Variants in GPC5 observed in about 807,000 individuals in gnomAD.
The protein encoded by GPC5 is glypican-5.
Under a neutral mutation model 53.9 loss-of-function variants are expected in GPC5, and 47 were observed. The observed-to-expected ratio is 0.87, with a 90% CI of 0.69 to 1.11. GPC5 has a LOEUF of 1.11. Ranked by LOEUF, GPC5 falls within the 50% of genes most tolerant of loss-of-function variation. GPC5 has a pLI of 0.00. For missense variants in GPC5, 748 were observed against 713.1 expected (o/e 1.05, Z -0.56); for synonymous variants, 286 against 263.3 (o/e 1.09, Z -0.84).
intron 3 of GPC5, among the ~76,000 whole-genome samples, chr13:91,701,822 T>C (rs765530188): frequency 2.6e-5 from 4 of 152,118 alleles, no homozygotes; most frequent in Non-Finnish European, 5.9e-5. Flanking sequence ...AAAAGGATAA[T>C]TGCTGTAGCA....
intron 5 of GPC5, among the ~76,000 whole-genome samples, chr13:91,764,713 C>T (rs979114691): frequency 2.0e-5 from 3 of 152,124 alleles, no homozygotes; most frequent in African/African-American, 7.2e-5. Flanking sequence ...TTTTCAGGTT[C>T]GTGTGCCAAC....
At chr13:92,240,449 A>C (rs1014391396) in intron 7 of GPC5, 1 of 152,146 alleles carries the variant, frequency 6.6e-6, no homozygotes, top group Non-Finnish European at 1.5e-5. Context: ...CAGTTAAAGA[A>C]TCTGTTAAAA....
chr13:92,533,462 C>T (rs576478337), intron 7 of GPC5, among the ~76,000 whole-genome samples: 1 of 152,184 alleles, frequency 6.6e-6, no homozygotes, highest in South Asian at 2.1e-4. Context: ...TGTGTCTAAA[C>T]ATTGTATTGA....
chr13:91,583,901 CTTA>C (rs2032464118), intron 2 of GPC5, among the ~76,000 whole-genome samples: 2 of 152,250 alleles, frequency 1.3e-5, no homozygotes, highest in South Asian at 2.1e-4. Context: ...TTTATGTCAT[CTTA>C]TTATGAGCTG....
intron 2 of GPC5, among the ~76,000 whole-genome samples, chr13:91,650,807 G>A (rs1166285847): frequency 2.1e-5 from 3 of 140,198 alleles, no homozygotes; most frequent in African/African-American, 8.4e-5. Flanking sequence ...GTTCTCAACT[G>A]GGGGAAAAAT....
chr13:92,578,455 A>T (rs1245330480), intron 7 of GPC5, among the ~76,000 whole-genome samples: 2 of 152,114 alleles, frequency 1.3e-5, no homozygotes, highest in Non-Finnish European at 2.9e-5. Flanking sequence ...CCTTATGGAA[A>T]TTGGCTCACC....
chr13:91,545,906 T>C (rs1186229081), intron 2 of GPC5, among the ~76,000 whole-genome samples: 1 of 152,130 alleles, frequency 6.6e-6, no homozygotes, highest in African/African-American at 2.4e-5. Context: ...ATTTAGATAA[T>C]ATACTTGGTT....
chr13:92,652,856 TC>T (rs1231441555), intron 7 of GPC5, among the ~76,000 whole-genome samples: 2 of 152,136 alleles, frequency 1.3e-5, no homozygotes, highest in Non-Finnish European at 2.9e-5. Flanking sequence ...TCTCAGTGTG[TC>T]TGCCCTCACA....
At chr13:91,879,459 T>G (rs1229514302) in intron 5 of GPC5, among the ~76,000 whole-genome samples, 3 of 152,192 alleles carry the variant, frequency 2.0e-5, no homozygotes, top group African/African-American at 7.2e-5. Flanking sequence ...TATCTCACAA[T>G]TCCAGGGGCT....
At chr13:92,673,102 C>A (rs866466872) in intron 7 of GPC5, among the ~76,000 whole-genome samples, 1 of 151,842 alleles carries the variant, frequency 6.6e-6, no homozygotes, top group Admixed American at 6.6e-5. Context: ...ATATTGATAT[C>A]AACTTTAAAT....
intron 5 of GPC5, among the ~76,000 whole-genome samples, chr13:91,798,654 A>G (rs1304842098): frequency 1.3e-5 from 2 of 152,228 alleles, no homozygotes; most frequent in African/African-American, 4.8e-5. Flanking sequence ...ATGAATATAC[A>G]TGTATTTTTA....
At chr13:91,805,089 G>T (rs147570719) in intron 5 of GPC5, among the ~76,000 whole-genome samples, 2 of 152,184 alleles carry the variant, frequency 1.3e-5, no homozygotes, top group African/African-American at 4.8e-5. Flanking sequence ...AGCAAACTGG[G>T]CAGAGGAGTG....
chr13:92,403,825 T>C (rs576369166), intron 7 of GPC5, among the ~76,000 whole-genome samples: 1 of 152,342 alleles, frequency 6.6e-6, no homozygotes, highest in Non-Finnish European at 1.5e-5. Flanking sequence ...TTGCTGATTT[T>C]ACATTATTTT....
At chr13:92,789,169 C>G (rs1295926675) in intron 7 of GPC5, among the ~76,000 whole-genome samples, 2 of 152,068 alleles carry the variant, frequency 1.3e-5, no homozygotes, top group African/African-American at 4.8e-5. Flanking sequence ...GCTTCAACAT[C>G]AAGATTTGGC....
At chr13:92,243,272 T>C (rs974979706) in intron 7 of GPC5, among the ~76,000 whole-genome samples, 2 of 152,214 alleles carry the variant, frequency 1.3e-5, no homozygotes, top group Non-Finnish European at 2.9e-5. Flanking sequence ...TGGATCACTT[T>C]ATGGCTTAAT....
rs146256181 is a variant in GPC5, at chr13:92,591,824, A to G, written c.1562-274458A>G. ...TATGAGATCAACTTTTTCAGATTCT[A>G]TATGAGTGAGATCTTTGTCTTAGGC... is the stretch of plus-strand genomic sequence containing the variant. On this transcript the variant is annotated intron_variant, in intron 7 of 7. Transcript: ENST00000377067. Among the ~76,000 whole-genome samples, 506 of 152,226 alleles carry G rather than the reference A, an allele frequency of 3.3e-3. 6 individuals are homozygous for G. The highest frequency in any genetic ancestry group is 0.014 in the Middle Eastern group (4 of 294).
In GPC5 at chr13:91,435,787, A is replaced by G. The variant is rs1317389353; in HGVS notation, c.164-12974A>G. Among the ~76,000 whole-genome samples the G allele has an allele frequency of 7.9e-5, 12 of 152,218 alleles. No homozygotes were observed. The South Asian group carries it at 2.5e-3, about 32-fold the overall frequency. The stretch of plus-strand genomic sequence containing the variant: ...GTACCAGCTCCTCCTTGTTCCTCTG[A>G]TAGAATTTGGCTGTGAATCCATCTG... On this transcript the variant is annotated intron_variant, in intron 1 of 7. Coordinates refer to ENST00000377067, the MANE Select transcript of GPC5 (RefSeq NM_004466.6).
chr13:91,544,208 G>T (rs1594232776), intron 2 of GPC5, among the ~76,000 whole-genome samples: 2 of 37,890 alleles, frequency 5.3e-5, no homozygotes, highest in South Asian at 9.3e-3. Context: ...AAAATCATTG[G>T]CTAATTGACT....
At chr13:92,476,444 T>C (rs1344141244) in intron 7 of GPC5, among the ~76,000 whole-genome samples, 2 of 151,546 alleles carry the variant, frequency 1.3e-5, no homozygotes, top group Admixed American at 6.6e-5. Context: ...ACACTGTTGG[T>C]GGGACTGTAA....
Sources: allele counts gnomAD v4.1 joint callset (sites outside exome capture counted in the v4.1 genomes callset), GRCh38; gene constraint gnomAD v4.1.1; transcripts MANE v1.5; gene names NCBI Gene and HGNC (gene_info 2026-07-23, HGNC 2026-07-21).